CRTAP: variants seen among roughly 807,000 people sequenced by gnomAD.
The protein encoded by CRTAP is cartilage-associated protein.
Under a neutral mutation model 42.7 loss-of-function variants are expected in CRTAP, and 33 were observed. The ratio of observed to expected loss-of-function variants is 0.77; its 90% CI spans 0.59 to 1.03. The LOEUF (loss-of-function observed/expected upper bound fraction) is 1.03, where lower values mean the gene tolerates loss of function less well. CRTAP is among the 50% of genes least tolerant of loss of function. The pLI, the probability that CRTAP is intolerant of heterozygous loss-of-function variation, is 0.00. For missense variants in CRTAP, 613 were observed against 533.9 expected, an observed-to-expected ratio of 1.15 and a Z score of -1.46; for synonymous variants, 243 against 217.7, an observed-to-expected ratio of 1.12 and a Z score of -1.02.
intron 3 of CRTAP, among the ~76,000 whole-genome samples, chr3:33,124,987 G>A (rs1171004750): frequency 3.9e-5 from 6 of 152,152 alleles, no homozygotes; most frequent in Non-Finnish European, 8.8e-5. Context: ...GTAGCTTTTT[G>A]AAATTTTCTT....
chr3:33,134,506 T>C (rs1301655020), intron 6 of CRTAP, among the ~76,000 whole-genome samples: 1 of 152,202 alleles, frequency 6.6e-6, no homozygotes, highest in Non-Finnish European at 1.5e-5. Flanking sequence ...GGGGCCACAC[T>C]CCAGGAATTC....
Position 33,114,389 on chromosome 3 carries a change from C to A in CRTAP, c.312C>A (p.Pro104=), listed in dbSNP as rs904096765. The change falls in exon 1 of 7, where the codon CCC becomes CCA. Residue 104 remains proline (P), a synonymous_variant. Transcript: ENST00000320954. The stretch of plus-strand genomic sequence containing the variant: ...CCGCCGCCGGCCTCGCCAGCTATCC[C>A]GAGCTGCGCCTCTTCGGGGGCCTGC... ...PEPAAGLASY[P]ELRLFGGLLR... is the part of the protein sequence containing the mutation. The A allele has an allele frequency of 6.5e-7, 1 of 1,533,934 alleles. No individual in the cohort carries two copies. Among genetic ancestry groups the A allele is most frequent in the East Asian group, 2.5e-5 (1 of 39,810 alleles).
At position 33,143,981 on chromosome 3, in the gene CRTAP, A is replaced by T. The variant is rs2030652047; in HGVS notation, c.*1533A>T. 6.6e-6 allele frequency: 1 copy of T among 152,268 alleles called. No homozygotes were observed. The highest frequency in any genetic ancestry group is 2.4e-5 in the African/African-American group (1 of 41,442). The allele number at this position is 152,268 out of a possible 1,614,324, so 9.4% of individuals were successfully genotyped here. ...ATGGGAACCACTGGAGGGTTTGAAC[A>T]GAGGAGTGCCTTGATTGATTTATAT... On this transcript the variant is annotated 3_prime_UTR_variant, in exon 7 of 7. Coordinates refer to ENST00000320954, the MANE Select transcript of CRTAP (RefSeq NM_006371.5).
chr3:33,124,142 T>C (rs529602280), intron 2 of CRTAP, among the ~76,000 whole-genome samples: 1 of 152,340 alleles, frequency 6.6e-6, no homozygotes, highest in Admixed American at 6.5e-5. Flanking sequence ...ATCTCTGTCA[T>C]AGTTTTCCCA....
intron 6 of CRTAP, among the ~76,000 whole-genome samples, chr3:33,139,233 T>A (rs2030506367): frequency 6.6e-6 from 1 of 150,894 alleles, no homozygotes; most frequent in African/African-American, 2.4e-5. Flanking sequence ...AGCTCAGGAG[T>A]GGGAGGGTAC....
chr3:33,129,895 A>G, intron 3 of CRTAP, 44 bp from the exon 4 acceptor site: 7 of 1,592,752 alleles, frequency 4.4e-6, no homozygotes, highest in Non-Finnish European at 6.0e-6. Flanking sequence ...ATATTAAGAA[A>G]GTAATGGATC....
intron 4 of CRTAP, among the ~76,000 whole-genome samples, chr3:33,130,733 T>C (rs556483133): frequency 4.6e-5 from 7 of 151,900 alleles, no homozygotes; most frequent in South Asian, 4.2e-4. Context: ...GTGGTTTCAC[T>C]ATCTTGGCCA....
intron 4 of CRTAP, among the ~76,000 whole-genome samples, chr3:33,130,697 T>C (rs998281982): frequency 6.6e-6 from 1 of 151,936 alleles, no homozygotes; most frequent in African/African-American, 2.4e-5. Flanking sequence ...CACGCCTAGC[T>C]AATTTTTTGT....
At chr3:33,120,209 C>G in intron 1 of CRTAP, 135 bp from the exon 2 acceptor site, 1 of 817,732 alleles carries the variant, frequency 1.2e-6, no homozygotes, top group Non-Finnish European at 2.1e-6. Flanking sequence ...TTGAGGGGCC[C>G]TGGAAGTCAT....
rs528252285 is a variant in CRTAP, at chr3:33,122,075, C to T, written c.621+1582C>T. 2.0e-5 allele frequency among the ~76,000 whole-genome samples: 3 copies of T among 152,318 alleles called. No individual in the cohort carries two copies. In the South Asian group the frequency reaches 6.2e-4, roughly 32 times the overall value. On this transcript the variant is annotated intron_variant, in intron 2 of 6. Transcript: ENST00000320954. Reference sequence around the variant, plus strand: ...TGCTGCTTGCTCCCTTCCCATTCTCCCATAAAAGCAATTTATGCCTTTCAT... The same window carrying T: ...TGCTGCTTGCTCCCTTCCCATTCTCTCATAAAAGCAATTTATGCCTTTCAT...
intron 1 of CRTAP, among the ~76,000 whole-genome samples, chr3:33,119,397 G>A (rs373803688): frequency 6.6e-6 from 1 of 152,022 alleles, no homozygotes; most frequent in South Asian, 2.1e-4. Context: ...CGTAAAATGC[G>A]GGAAGACAGA....
At chr3:33,118,802 C>T (rs1317548163) in intron 1 of CRTAP, among the ~76,000 whole-genome samples, 1 of 152,200 alleles carries the variant, frequency 6.6e-6, no homozygotes, top group African/African-American at 2.4e-5. Flanking sequence ...GAGGCCTCTG[C>T]ATCCTTATTT....
intron 6 of CRTAP, among the ~76,000 whole-genome samples, chr3:33,135,543 G>T (rs908344092): frequency 2.0e-5 from 3 of 151,738 alleles, no homozygotes; most frequent in Non-Finnish European, 4.4e-5. Flanking sequence ...GGAGTCTGGG[G>T]AGTTTGAGGC....
chr3:33,114,301 G>A lies in CRTAP; in HGVS notation c.224G>A (p.Arg75His), dbSNP rs1488937584. The part of the protein sequence containing the change: ...GYLEISLRLH[R>H]LLRDSEAFCH... ...CTGGAGATCAGCCTGCGGCTGCACC[G>A]CTTGCTGCGCGACAGCGAGGCCTTC... Residue 75 changes from arginine to histidine, a missense_variant, in exon 1 of 7, where the codon CGC becomes CAC. Physicochemically the swap from Arg to His is conservative, Grantham distance 29. Coordinates refer to ENST00000320954, the MANE Select transcript of CRTAP (RefSeq NM_006371.5). 2 of 1,560,666 alleles carry A rather than the reference G, an allele frequency of 1.3e-6. No individual in the cohort carries two copies. Among genetic ancestry groups the A allele is most frequent in the Non-Finnish European group, 1.7e-6 (2 of 1,161,326 alleles).
chr3:33,134,354 C>T (rs2030361951), intron 6 of CRTAP, 89 bp downstream of exon 6: 2 of 902,116 alleles, frequency 2.2e-6, no homozygotes, highest in African/African-American at 1.6e-5. Context: ...TGAGTCCTCC[C>T]TGAAGTAAGA....
At position 33,132,562 on chromosome 3, in the gene CRTAP, C is replaced by A. The variant is rs762039541; in HGVS notation, c.930C>A (p.Asp310Glu). 5 of 1,614,082 alleles carry A rather than the reference C, an allele frequency of 3.1e-6. No homozygotes were observed. The highest frequency in any genetic ancestry group is 3.4e-6 in the Non-Finnish European group (4 of 1,179,960). ...TTTTCTTCCCAACCCTAGTGAACGACCTGAAGAATGCAGCCCCCTGTGCAG... is the reference window on the plus strand; with the variant it reads ...TTTTCTTCCCAACCCTAGTGAACGAACTGAAGAATGCAGCCCCCTGTGCAG... ...YLQFAYYKLN[D>E]LKNAAPCAVS... Residue 310 changes from aspartate to glutamate, a missense_variant, in exon 5 of 7, where the codon GAC becomes GAA. Transcript: ENST00000320954.
chr3:33,130,525 C>CTTTTTTTTTTTTTTTTTTTTTTTTTT (rs765558103), intron 4 of CRTAP, among the ~76,000 whole-genome samples: 7 of 55,268 alleles, frequency 1.3e-4, no homozygotes, highest in Non-Finnish European at 2.2e-4. Flanking sequence ...CTTTTCTTTT[C>CTTTTTTTTTTTTTTTTTTTTTTTTTT]TTTTTTTTTT....
intron 3 of CRTAP, 122 bp downstream of exon 3, chr3:33,124,701 T>C: frequency 2.6e-6 from 3 of 1,160,592 alleles, no homozygotes; most frequent in Non-Finnish European, 3.9e-6. Flanking sequence ...AGCATACTTA[T>C]TAACGGGTAA....
At chr3:33,140,569 G>C (rs2030544731) in intron 6 of CRTAP, among the ~76,000 whole-genome samples, 1 of 152,172 alleles carries the variant, frequency 6.6e-6, no homozygotes, top group Non-Finnish European at 1.5e-5. Flanking sequence ...GATATGTGTG[G>C]CATTCTTCCT....
Sources: allele counts gnomAD v4.1 joint callset (sites outside exome capture counted in the v4.1 genomes callset), GRCh38; gene constraint gnomAD v4.1.1; transcripts MANE v1.5; gene names NCBI Gene and HGNC (gene_info 2026-07-23, HGNC 2026-07-21).